The following DNM1L variants were observed in gnomAD, a reference collection of about 807,000 sequenced individuals.
DNM1L encodes the protein dynamin-1-like protein.
In DNM1L, 33 loss-of-function variants were observed where a neutral mutation model predicts 92.8. The observed-to-expected ratio is 0.36, with a 90% CI of 0.27 to 0.48. The LOEUF is 0.48. Among genes scored for constraint, DNM1L ranks in the 20% least tolerant of loss-of-function variants. The pLI is 0.99. For missense variants in DNM1L, 485 were observed against 888.8 expected (o/e 0.55, Z 5.78); for synonymous variants, 284 against 305.0 (o/e 0.93, Z 0.72).
At chr12:32,721,498 T>G (rs984671023) in intron 8 of DNM1L, among the ~76,000 whole-genome samples, 1 of 152,200 alleles carries the variant, frequency 6.6e-6, no homozygotes, top group African/African-American at 2.4e-5. Flanking sequence ...TAATTTGCAT[T>G]TTTTCCTTGC....
chr12:32,742,621 A>G lies in DNM1L; in HGVS notation c.2027A>G (p.Asn676Ser), dbSNP rs1418477326. The change falls in exon 19 of 20, where the codon AAT becomes AGT. Residue 676 changes from asparagine to serine, a missense_variant. Coordinates refer to ENST00000549701, the MANE Select transcript of DNM1L (RefSeq NM_012062.5). ...AAGGCAGTAATGCATTTTTTGGTTA[A>G]TCATGTGAAAGACACTCTTCAGAGT... is the stretch of plus-strand genomic sequence containing the variant. ...VPKAVMHFLV[N>S]HVKDTLQSEL... 6.2e-7 allele frequency: 1 copy of G among 1,614,136 alleles called. No individual in the cohort carries two copies.
chr12:32,737,798 A>T lies in DNM1L; in HGVS notation c.1597-67A>T, dbSNP rs1032391795. ...CATTACAGAAGGGAAAAATTCATTT[A>T]TAGAATGTTCCTGAATGCATTTTTG... On this transcript the variant is annotated intron_variant, in intron 14 of 19. Transcript: ENST00000549701. 4 of 1,186,622 alleles carry T rather than the reference A, an allele frequency of 3.4e-6. No homozygotes were observed. In the African/African-American group the frequency reaches 6.0e-5, roughly 18 times the overall value. 73.5% of individuals were successfully genotyped at this position (1,186,622 alleles called of 1,614,324 possible).
At chr12:32,706,981 G>A (rs564588842) in intron 2 of DNM1L, 34 of 204,982 alleles carry the variant, frequency 1.7e-4, no homozygotes, top group Non-Finnish European at 2.5e-4. Context: ...CTTTATTTTC[G>A]TCAGAAAACT....
At position 32,701,421 on chromosome 12, in the gene DNM1L, G is replaced by A; in HGVS notation, c.109G>A (p.Gly37Arg). The A allele has an allele frequency of 6.2e-7, 1 of 1,613,986 alleles. No homozygotes were observed. The highest frequency in any genetic ancestry group is 8.5e-7 in the Non-Finnish European group (1 of 1,179,904). The change falls in exon 2 of 20, where the codon GGA becomes AGA. Residue 37 changes from glycine to arginine, a missense_variant. Gly to Arg is a moderately radical substitution (Grantham distance 125, BLOSUM62 -2). Transcript: ENST00000549701. ...QIVVVGTQSS[G>R]KSSVLESLVG... ...GTATATATTCTGTTTTCAGAGCAGCGGAAAGAGCTCAGTGCTAGAAAGCCT... is the reference window on the plus strand; with the variant it reads ...GTATATATTCTGTTTTCAGAGCAGCAGAAAGAGCTCAGTGCTAGAAAGCCT...
chr12:32,706,375 T>C (rs1952927436), intron 2 of DNM1L, among the ~76,000 whole-genome samples: 1 of 152,224 alleles, frequency 6.6e-6, no homozygotes, highest in Admixed American at 6.5e-5. Flanking sequence ...CATTATTCAA[T>C]ACACTTATTA....
chr12:32,725,953 C>T (rs1218516576), intron 9 of DNM1L, among the ~76,000 whole-genome samples: 6 of 150,482 alleles, frequency 4.0e-5, no homozygotes, highest in African/African-American at 7.3e-5. Flanking sequence ...TAGTACAAGT[C>T]CCTGCATTTC....
chr12:32,696,523 C>T (rs1367371827), intron 1 of DNM1L, among the ~76,000 whole-genome samples: 1 of 151,582 alleles, frequency 6.6e-6, no homozygotes, highest in Non-Finnish European at 1.5e-5. Context: ...TCTATTGAGC[C>T]CAGGAATTGG....
At chr12:32,694,345 A>G (rs140890626) in intron 1 of DNM1L, among the ~76,000 whole-genome samples, 3,093 of 152,054 alleles carry the variant, frequency 0.02, 103 homozygotes, top group African/African-American at 0.072. Context: ...TGGCCTCCCA[A>G]AGTGCTGGGA....
At chr12:32,710,289 T>C (rs1426780338) in intron 4 of DNM1L, among the ~76,000 whole-genome samples, 1 of 152,222 alleles carries the variant, frequency 6.6e-6, no homozygotes. Flanking sequence ...GGAACCAGGC[T>C]GATTTGGACA....
intron 6 of DNM1L, among the ~76,000 whole-genome samples, chr12:32,717,291 ATATTTT>A (rs1953454071): frequency 2.1e-5 from 2 of 95,554 alleles, no homozygotes; most frequent in African/African-American, 8.9e-5. Context: ...TATACACTAT[ATATTTT>A]ATATATACTA....
chr12:32,744,720 A>T lies in DNM1L; in HGVS notation c.*1310A>T. 1 of 366,348 alleles carries T rather than the reference A, an allele frequency of 2.7e-6. No individual in the cohort carries two copies. Among genetic ancestry groups the T allele is most frequent in the Non-Finnish European group, 5.2e-6 (1 of 191,580 alleles). The allele number at this position is 366,348 out of a possible 1,614,324, so 22.7% of individuals were successfully genotyped here. ...AAGAGCGAAACTCCGTCTCAAAAAAAAAAAATAAAACAACACCCAGATAGA... is the reference window on the plus strand; with the variant it reads ...AAGAGCGAAACTCCGTCTCAAAAAATAAAAATAAAACAACACCCAGATAGA... On this transcript the variant is annotated 3_prime_UTR_variant, in exon 20 of 20. Transcript: ENST00000549701.
intron 1 of DNM1L, among the ~76,000 whole-genome samples, chr12:32,680,909 C>A (rs1384307350): frequency 6.6e-6 from 1 of 152,204 alleles, no homozygotes. Context: ...TCTAGCTGCA[C>A]ACTAGAAACT....
At chr12:32,730,457 C>T (rs1401404032) in intron 9 of DNM1L, among the ~76,000 whole-genome samples, 1 of 152,230 alleles carries the variant, frequency 6.6e-6, no homozygotes, top group African/African-American at 2.4e-5. Context: ...GATCCCAGCA[C>T]TTTGGGAGGT....
rs756728956 is a variant in DNM1L, at chr12:32,744,814, T to G, written c.*1404T>G. 1 of 469,930 alleles carries G rather than the reference T, an allele frequency of 2.1e-6. No homozygotes were observed. Among genetic ancestry groups the G allele is most frequent in the Non-Finnish European group, 4.3e-6 (1 of 233,416 alleles). 29.1% of individuals were successfully genotyped at this position (469,930 alleles called of 1,614,324 possible). On this transcript the variant is annotated 3_prime_UTR_variant, in exon 20 of 20. Coordinates refer to ENST00000549701, the MANE Select transcript of DNM1L (RefSeq NM_012062.5). ...GGGTAGTGATGAGGTTTAGAACATATACATATTTTGTTAAAATTCCCCAGA... is the reference window on the plus strand; with the variant it reads ...GGGTAGTGATGAGGTTTAGAACATAGACATATTTTGTTAAAATTCCCCAGA...
At position 32,731,818 on chromosome 12, in the gene DNM1L, A is replaced by C; in HGVS notation, c.1357-36A>C. On this transcript the variant is annotated intron_variant, in intron 11 of 19. Coordinates refer to ENST00000549701, the MANE Select transcript of DNM1L (RefSeq NM_012062.5). The surrounding 1 kb of genome is among the most constrained non-coding windows in gnomAD (Gnocchi z 5.1). The stretch of plus-strand genomic sequence containing the variant: ...GACTATGACTTAAAAAAAAAACAAA[A>C]AACAAACACGTTTTTCTTTCATCTA... 1.3e-6 allele frequency: 2 copies of C among 1,578,872 alleles called. No individual in the cohort carries two copies. Among genetic ancestry groups the C allele is most frequent in the Non-Finnish European group, 1.7e-6 (2 of 1,148,600 alleles).
In DNM1L at chr12:32,713,250, C is replaced by T; in HGVS notation, c.498C>T (p.Ile166=). 6.2e-7 allele frequency: 1 copy of T among 1,613,946 alleles called. No individual in the cohort carries two copies. Among genetic ancestry groups the T allele is most frequent in the Non-Finnish European group, 8.5e-7 (1 of 1,179,930 alleles). Residue 166 remains isoleucine, a synonymous_variant, in exon 6 of 20, where the codon ATC becomes ATT. Transcript: ENST00000549701. ...GDQPKDIELQ[I]RELILRFISN... ...AACCTAAGGATATTGAGCTTCAAAT[C>T]AGAGAGCTCATTCTTCGGTTCATCA...
rs1359725873 is a variant in DNM1L at position 32,679,474 on chromosome 12, A to C, written c.102+9A>C. ...TCGTAGTGGGAACGCAGGTGAGAGC[A>C]GCAGGCGGCGTTCGCTCGGGCCAGA... On this transcript the variant is annotated intron_variant, in intron 1 of 19. Transcript: ENST00000549701. 6 of 1,608,970 alleles carry C rather than the reference A, an allele frequency of 3.7e-6. No homozygotes were observed. The East Asian group carries it at 1.3e-4, about 36-fold the overall frequency.
intron 9 of DNM1L, among the ~76,000 whole-genome samples, chr12:32,723,190 C>T (rs1953884353): frequency 6.6e-6 from 1 of 150,738 alleles, no homozygotes; most frequent in Non-Finnish European, 1.5e-5. Context: ...AAGTTACATA[C>T]TTCAGATTTC....
chr12:32,723,693 C>CAAAAAA (rs1172541097), intron 9 of DNM1L, among the ~76,000 whole-genome samples: 2 of 56,002 alleles, frequency 3.6e-5, no homozygotes, highest in African/African-American at 5.7e-5. Context: ...GACTCTGTCT[C>CAAAAAA]AAAAAAAAAA....
Sources: gnomAD v4.1 joint callset for allele counts (sites outside exome capture counted in the v4.1 genomes callset) on GRCh38, gnomAD v4.1.1 for gene constraint, Gnocchi (gnomAD v3.1) non-coding constraint, MANE v1.5 for transcripts, NCBI Gene and HGNC (gene_info 2026-07-23, HGNC 2026-07-21) for gene names.